The following CFAP95 variants were observed in gnomAD, a reference collection of about 807,000 sequenced individuals.
CFAP95 encodes cilia and flagella associated protein 95.
chr9:69,840,935 T>A, the CFAP95 span, among the ~76,000 whole-genome samples: 2 of 151,750 alleles, frequency 1.3e-5, no homozygotes, highest in South Asian at 4.2e-4. Flanking sequence ...TAATGCTGGG[T>A]TTTTGGCTGC....
At chr9:69,833,511 C>T in the CFAP95 span, among the ~76,000 whole-genome samples, 58 of 152,236 alleles carry the variant, frequency 3.8e-4, 1 homozygote, top group South Asian at 0.01. Context: ...AAAATATATA[C>T]ATACTATTTA....
the CFAP95 span, among the ~76,000 whole-genome samples, chr9:69,833,643 C>T: frequency 6.6e-6 from 1 of 152,270 alleles, no homozygotes; most frequent in East Asian, 1.9e-4. Context: ...CTCAGCACTC[C>T]TTCTACTTGG....
chr9:69,852,909 A>G, the CFAP95 span, among the ~76,000 whole-genome samples: 4 of 152,154 alleles, frequency 2.6e-5, no homozygotes, highest in African/African-American at 7.2e-5. Flanking sequence ...GCTGCCATCC[A>G]TGTAAGATGT....
the CFAP95 span, among the ~76,000 whole-genome samples, chr9:69,904,197 A>G: frequency 0.014 from 2,092 of 152,292 alleles, 49 homozygotes; most frequent in African/African-American, 0.047. Flanking sequence ...ATCTATTAAC[A>G]GTCACTCCCC....
chr9:69,833,500 C>T, the CFAP95 span, among the ~76,000 whole-genome samples: 1 of 152,132 alleles, frequency 6.6e-6, no homozygotes, highest in African/African-American at 2.4e-5. Flanking sequence ...TGCACCTGGC[C>T]AAAATATATA....
the CFAP95 span, among the ~76,000 whole-genome samples, chr9:69,833,835 G>A: frequency 1.3e-5 from 2 of 152,162 alleles, no homozygotes; most frequent in Non-Finnish European, 2.9e-5. Flanking sequence ...CATTATGGAA[G>A]TCTGTTTTAA....
the CFAP95 span, chr9:69,884,450 C>A: frequency 6.6e-6 from 1 of 152,148 alleles, no homozygotes; most frequent in Non-Finnish European, 1.5e-5. Flanking sequence ...TGACCTGCTG[C>A]CTTTCTGACC....
At chr9:69,855,015 C>T in the CFAP95 span, among the ~76,000 whole-genome samples, 2 of 152,214 alleles carry the variant, frequency 1.3e-5, no homozygotes, top group African/African-American at 2.4e-5. Flanking sequence ...ATGGTTCCCA[C>T]ACGTTTATAA....
the CFAP95 span, among the ~76,000 whole-genome samples, chr9:69,823,314 G>A: frequency 6.6e-6 from 1 of 152,130 alleles, no homozygotes; most frequent in Admixed American, 6.5e-5. Context: ...TGACACATGG[G>A]GACTACAGGT....
chr9:69,905,558 A>C, the CFAP95 span, among the ~76,000 whole-genome samples: 1 of 152,206 alleles, frequency 6.6e-6, no homozygotes, highest in East Asian at 1.9e-4. Context: ...TTAAAGATAT[A>C]ACCCAAGATA....
chr9:69,873,795 T>TTTAAGGTTTCA, the CFAP95 span, among the ~76,000 whole-genome samples: 1 of 152,184 alleles, frequency 6.6e-6, no homozygotes, highest in Non-Finnish European at 1.5e-5. Flanking sequence ...ACAGTTGATC[T>TTTAAGGTTTCA]TTAAGGTTTC....
At chr9:69,830,665 A>T in the CFAP95 span, among the ~76,000 whole-genome samples, 1 of 152,116 alleles carries the variant, frequency 6.6e-6, no homozygotes, top group Non-Finnish European at 1.5e-5. Flanking sequence ...TTACTTTTTT[A>T]AAGAAAGGGT....
chr9:69,865,527 G>A, the CFAP95 span, among the ~76,000 whole-genome samples: 1 of 152,082 alleles, frequency 6.6e-6, no homozygotes, highest in South Asian at 2.1e-4. Context: ...TATTATGGAT[G>A]GCTGACTCTG....
At chr9:69,865,585 CAG>C in the CFAP95 span, among the ~76,000 whole-genome samples, 10 of 152,120 alleles carry the variant, frequency 6.6e-5, no homozygotes, top group African/African-American at 1.2e-4. Flanking sequence ...GCACAAGATC[CAG>C]ACCAGGCTAT....
chr9:69,882,830 T>G, the CFAP95 span, among the ~76,000 whole-genome samples: 1 of 152,086 alleles, frequency 6.6e-6, no homozygotes, highest in Admixed American at 6.6e-5. Context: ...TTTTTTAACG[T>G]GTTGTTGAAT....
the CFAP95 span, among the ~76,000 whole-genome samples, chr9:69,830,087 T>C: frequency 6.6e-6 from 1 of 152,192 alleles, no homozygotes; most frequent in Non-Finnish European, 1.5e-5. Flanking sequence ...GTGTTTCCCC[T>C]CTCTCTTTGT....
At chr9:69,843,332 A>G in the CFAP95 span, among the ~76,000 whole-genome samples, 2 of 151,988 alleles carry the variant, frequency 1.3e-5, no homozygotes, top group African/African-American at 2.4e-5. Flanking sequence ...GCTTAGTCTT[A>G]GCATCCTATA....
chr9:69,860,670 A>G, the CFAP95 span, among the ~76,000 whole-genome samples: 1 of 150,820 alleles, frequency 6.6e-6, no homozygotes. Flanking sequence ...AACACATTGT[A>G]TAGCTGTATA....
At chr9:69,855,031 T>G in the CFAP95 span, among the ~76,000 whole-genome samples, 1 of 152,220 alleles carries the variant, frequency 6.6e-6, no homozygotes, top group Admixed American at 6.5e-5. Flanking sequence ...TATAAAGAGA[T>G]CCTTCATTAA....
Sources: allele counts gnomAD v4.1 joint callset (sites outside exome capture counted in the v4.1 genomes callset), GRCh38; gene constraint gnomAD v4.1.1; transcripts MANE v1.5; gene names NCBI Gene and HGNC (gene_info 2026-07-23, HGNC 2026-07-21).